USP31: variants seen among roughly 807,000 people sequenced by gnomAD.
USP31 encodes the protein ubiquitin carboxyl-terminal hydrolase 31.
In USP31, 44 loss-of-function variants were observed where a neutral mutation model predicts 119.4. The ratio of observed to expected loss-of-function variants is 0.37; its 90% CI spans 0.29 to 0.47. USP31 has a LOEUF of 0.47. USP31 is among the 20% of genes least tolerant of loss of function. The pLI, the probability that USP31 is intolerant of heterozygous loss-of-function variation, is 0.99. For missense variants in USP31, 1,643 were observed against 1,730.2 expected (o/e 0.95, Z 0.89); for synonymous variants, 749 against 705.6 (o/e 1.06, Z -0.97).
chr16:23,115,166 T>C (rs771879371), intron 1 of USP31, among the ~76,000 whole-genome samples: 6 of 152,206 alleles, frequency 3.9e-5, no homozygotes, highest in Non-Finnish European at 7.3e-5. Context: ...TGATCTGGTA[T>C]ACGTTTTTGG....
At chr16:23,145,817 C>G (rs1176889043) in intron 1 of USP31, among the ~76,000 whole-genome samples, 1 of 152,192 alleles carries the variant, frequency 6.6e-6, no homozygotes, top group East Asian at 1.9e-4. Flanking sequence ...GCTTAAGGCA[C>G]TATCATTAGG....
rs1411354723 is a variant in USP31 at position 23,148,984 on chromosome 16, G to A, written c.287C>T (p.Pro96Leu). The A allele has an allele frequency of 9.6e-7, 1 of 1,039,860 alleles. No individual in the cohort carries two copies. The highest frequency in any genetic ancestry group is 1.2e-6 in the Non-Finnish European group (1 of 858,430). The allele number at this position is 1,039,860 out of a possible 1,614,324, so 64.4% of individuals were successfully genotyped here. Residue 96 changes from proline to leucine, a missense_variant, in exon 1 of 16, where the codon CCC (proline) becomes CTC (leucine). Physicochemically the swap from Pro to Leu is moderately conservative, Grantham distance 98. Coordinates refer to ENST00000219689, the MANE Select transcript of USP31 (RefSeq NM_020718.4). ...CGGCGTGGGCGCGGCGGCCGGCCCG[G>A]GCGGGAAGCAGCTGCGGAGGCCGCC... The part of the protein sequence containing the change: ...DRGGLRSCFP[P>L]GPAAAPTPPP...
chr16:23,083,719 G>GAGA (rs1900955340), intron 11 of USP31, among the ~76,000 whole-genome samples: 2 of 70,416 alleles, frequency 2.8e-5, no homozygotes, highest in African/African-American at 5.0e-5. Context: ...GGGAAGGGGT[G>GAGA]AAAAAAAAAA....
At chr16:23,086,742 T>C (rs1212615634) in intron 9 of USP31, among the ~76,000 whole-genome samples, 1 of 152,216 alleles carries the variant, frequency 6.6e-6, no homozygotes, top group Non-Finnish European at 1.5e-5. Context: ...GGGCTTTATT[T>C]TTTAGGCCAC....
chr16:23,073,934 T>C (rs982452287), intron 13 of USP31, 54 bp from the exon 14 acceptor site: 36 of 1,611,772 alleles, frequency 2.2e-5, no homozygotes, highest in Non-Finnish European at 2.8e-5. Context: ...AGCCACTTCA[T>C]GCGACCCACA....
intron 1 of USP31, among the ~76,000 whole-genome samples, chr16:23,140,689 T>C (rs1903329372): frequency 6.6e-6 from 1 of 152,164 alleles, no homozygotes; most frequent in African/African-American, 2.4e-5. Flanking sequence ...CTGAGTTCCT[T>C]ACCCAGCTGC....
intron 11 of USP31, among the ~76,000 whole-genome samples, chr16:23,084,268 T>A (rs1479944032): frequency 6.6e-6 from 1 of 152,188 alleles, no homozygotes. Flanking sequence ...GGCTTATTTA[T>A]CCATCTCTCT....
chr16:23,127,497 C>G (rs914896339), intron 1 of USP31, among the ~76,000 whole-genome samples: 1 of 152,086 alleles, frequency 6.6e-6, no homozygotes, highest in African/African-American at 2.4e-5. Flanking sequence ...GAGTCTCACT[C>G]TGTCGTCCAG....
chr16:23,103,564 CT>C (rs1901971456), intron 5 of USP31, among the ~76,000 whole-genome samples: 1 of 152,104 alleles, frequency 6.6e-6, no homozygotes, highest in African/African-American at 2.4e-5. Context: ...ATTAAGATAC[CT>C]AGTATGAGAT....
Position 23,069,294 on chromosome 16 carries a change from C to T in USP31, c.2811G>A (p.Val937=). The change falls in exon 16 of 16, where the codon GTG becomes GTA. Residue 937 remains valine (V), a synonymous_variant. Coordinates refer to ENST00000219689, the MANE Select transcript of USP31 (RefSeq NM_020718.4). ...DSHSRREHKA[V]GRAPLAVMEG... Reference sequence around the variant, plus strand: ...CCATGACAGCCAGAGGGGCCCGGCCCACAGCCTTGTGCTCACGGCGACTAT... The same window carrying T: ...CCATGACAGCCAGAGGGGCCCGGCCTACAGCCTTGTGCTCACGGCGACTAT... 1 of 1,611,000 alleles carries T rather than the reference C, an allele frequency of 6.2e-7. No individual in the cohort carries two copies. Among genetic ancestry groups the T allele is most frequent in the African/African-American group, 1.3e-5 (1 of 75,012 alleles).
chr16:23,134,138 CTT>C (rs1290057717), intron 1 of USP31, among the ~76,000 whole-genome samples: 6 of 151,476 alleles, frequency 4.0e-5, no homozygotes, highest in Non-Finnish European at 8.8e-5. Context: ...GAACAGATTA[CTT>C]TGTTTTTGAA....
chr16:23,129,613 C>G (rs1902964919), intron 1 of USP31, among the ~76,000 whole-genome samples: 1 of 152,194 alleles, frequency 6.6e-6, no homozygotes, highest in African/African-American at 2.4e-5. Flanking sequence ...CAGGGAAATG[C>G]AGGTTCATCG....
chr16:23,138,279 G>C (rs1454360909), intron 1 of USP31, among the ~76,000 whole-genome samples: 2 of 152,144 alleles, frequency 1.3e-5, no homozygotes, highest in Non-Finnish European at 2.9e-5. Flanking sequence ...TTCCCCTCAT[G>C]AATTACCATG....
chr16:23,107,355 G>A (rs535979591), intron 2 of USP31, among the ~76,000 whole-genome samples: 34 of 152,266 alleles, frequency 2.2e-4, no homozygotes, highest in Admixed American at 6.5e-4. Flanking sequence ...AATTTGGTGG[G>A]AGAGTCAGCC....
rs575337038 is a variant in USP31 at position 23,127,184 on chromosome 16, T to C, written c.634-19001A>G. Reference sequence around the variant, plus strand: ...GGCTCACTCCTGTAATCCCAGCACCTTGGGAGGCCAAGGCAGGATGATTGC... The same window carrying C: ...GGCTCACTCCTGTAATCCCAGCACCCTGGGAGGCCAAGGCAGGATGATTGC... On this transcript the variant is annotated intron_variant, in intron 1 of 15. Coordinates refer to ENST00000219689, the MANE Select transcript of USP31 (RefSeq NM_020718.4). 4.3e-4 allele frequency among the ~76,000 whole-genome samples: 65 copies of C among 152,202 alleles called. 3 individuals carry two copies. In the South Asian group the frequency reaches 0.012, roughly 29 times the overall value.
chr16:23,114,156 T>C (rs552109460), intron 1 of USP31, among the ~76,000 whole-genome samples: 2 of 151,780 alleles, frequency 1.3e-5, no homozygotes, highest in African/African-American at 4.8e-5. Flanking sequence ...GAGATTGATT[T>C]AAAAGAGGCT....
chr16:23,109,876 C>A (rs1051400542), intron 1 of USP31, among the ~76,000 whole-genome samples: 1 of 135,714 alleles, frequency 7.4e-6, no homozygotes, highest in African/African-American at 2.6e-5. Context: ...ACTGGTACTT[C>A]TCAAAACTAT....
At position 23,067,318 on chromosome 16, in the gene USP31, CAT is replaced by C. The variant is rs1278250663; in HGVS notation, c.*726_*727del. On this transcript the variant is annotated 3_prime_UTR_variant, in exon 16 of 16. Transcript: ENST00000219689. ...AAGAGTCAAGACAGGTTTTGGTGCA[CAT>C]GTCACCACAGATAGGAAGGTGGTGA... The C allele has an allele frequency of 2.6e-5, 4 of 152,624 alleles. No homozygotes were observed. The highest frequency in any genetic ancestry group is 1.3e-4 in the Admixed American group (2 of 15,292). 9.5% of individuals were successfully genotyped at this position (152,624 alleles called of 1,614,324 possible).
At chr16:23,115,598 T>A (rs1449593964) in intron 1 of USP31, among the ~76,000 whole-genome samples, 1 of 152,216 alleles carries the variant, frequency 6.6e-6, no homozygotes, top group African/African-American at 2.4e-5. Context: ...GTGGGTATAG[T>A]GTTTCTGTTT....
Sources: allele counts gnomAD v4.1 joint callset (sites outside exome capture counted in the v4.1 genomes callset), GRCh38; gene constraint gnomAD v4.1.1; transcripts MANE v1.5; gene names NCBI Gene and HGNC (gene_info 2026-07-23, HGNC 2026-07-21).